SPSB1: variants seen among roughly 807,000 people sequenced by gnomAD.
SPSB1 encodes SPRY domain-containing SOCS box protein 1.
In SPSB1, 8 loss-of-function variants were observed where a neutral mutation model predicts 21.2. The ratio of observed to expected loss-of-function variants is 0.38; its 90% CI spans 0.22 to 0.68. The LOEUF (loss-of-function observed/expected upper bound fraction) is 0.68. Ranked by LOEUF, SPSB1 falls within the 30% of genes least tolerant of loss-of-function variation. SPSB1 has a pLI of 0.53. For missense variants in SPSB1, 242 were observed against 377.8 expected (o/e 0.64, Z 2.98); for synonymous variants, 169 against 161.7 (o/e 1.05, Z -0.34).
In SPSB1 at chr1:9,355,961, C is replaced by G. The variant is rs1231887212; in HGVS notation, c.70C>G (p.Gln24Glu). Residue 24 changes from glutamine to glutamate, a missense_variant, in exon 2 of 3, where the codon CAG (glutamine) becomes GAG (glutamate). Coordinates refer to ENST00000328089, the MANE Select transcript of SPSB1 (RefSeq NM_025106.4). ...MRDPTYRPLK[Q>E]ELQGLDYCKP... ...GGACCCCACGTACAGGCCCCTGAAGCAGGAGCTCCAGGGTCTGGATTACTG... is the reference window on the plus strand; with the variant it reads ...GGACCCCACGTACAGGCCCCTGAAGGAGGAGCTCCAGGGTCTGGATTACTG... The G allele has an allele frequency of 1.2e-6, 2 of 1,613,654 alleles. No homozygotes were observed. The highest frequency in any genetic ancestry group is 1.1e-5 in the South Asian group (1 of 91,026).
chr1:9,355,721 T>A (rs1475444579), intron 1 of SPSB1, 22 bp from the exon 2 acceptor site: 3 of 1,349,480 alleles, frequency 2.2e-6, no homozygotes, highest in Non-Finnish European at 2.9e-6. Context: ...GCTCACCGGT[T>A]GTTTGTCTTT....
Position 9,353,141 on chromosome 1 carries a change from T to TACTCTGC in SPSB1, c.-149-2599_-149-2593dup, listed in dbSNP as rs955508636. Reference sequence around the variant, plus strand: ...GGTGTCCAGACAGATGGGAGGGTGGTACTCTGCACCCCCGCTCCATGCAGC... The same window carrying TACTCTGC: ...GGTGTCCAGACAGATGGGAGGGTGGTACTCTGCACTCTGCACCCCCGCTCCATGCAGC... On this transcript the variant is annotated intron_variant, in intron 1 of 2. Coordinates refer to ENST00000328089, the MANE Select transcript of SPSB1 (RefSeq NM_025106.4). Among the ~76,000 whole-genome samples the TACTCTGC allele has an allele frequency of 3.9e-5, 6 of 151,928 alleles. No homozygotes were observed. The East Asian group carries it at 1.2e-3, about 30-fold the overall frequency.
chr1:9,306,001 GGA>G (rs1304970955), intron 1 of SPSB1, among the ~76,000 whole-genome samples: 1 of 152,200 alleles, frequency 6.6e-6, no homozygotes, highest in African/African-American at 2.4e-5. Flanking sequence ...GAGTAACGTG[GGA>G]GAGGGGTTCG....
intron 1 of SPSB1, among the ~76,000 whole-genome samples, chr1:9,329,456 CT>C (rs1557454726): frequency 6.6e-6 from 1 of 151,918 alleles, no homozygotes; most frequent in East Asian, 1.9e-4. Context: ...GGAAGAGAGC[CT>C]TTGGGAAGAT....
intron 2 of SPSB1, among the ~76,000 whole-genome samples, chr1:9,361,116 G>C (rs886534140): frequency 6.8e-6 from 1 of 147,954 alleles, no homozygotes; most frequent in Admixed American, 6.8e-5. Context: ...GAGCATGACA[G>C]ATGGAGGCTC....
chr1:9,344,435 G>A (rs1640139332), intron 1 of SPSB1, among the ~76,000 whole-genome samples: 1 of 152,166 alleles, frequency 6.6e-6, no homozygotes, highest in Non-Finnish European at 1.5e-5. Flanking sequence ...CTCGTGACGG[G>A]ACCGAGCAAC....
rs1200656854 is a variant in SPSB1 at position 9,346,135 on chromosome 1, T to C, written c.-149-9608T>C. On this transcript the variant is annotated intron_variant, in intron 1 of 2. Coordinates refer to ENST00000328089, the MANE Select transcript of SPSB1 (RefSeq NM_025106.4). This position sits in a 1 kb window ranked among gnomAD's most constrained non-coding sequence, Gnocchi z 4.4. ...GATTGATTCTGATAAAATAGCAGATTGCTCGGGGCATGTTTCTCTTGCAAA... is the reference window on the plus strand; with the variant it reads ...GATTGATTCTGATAAAATAGCAGATCGCTCGGGGCATGTTTCTCTTGCAAA... Among the ~76,000 whole-genome samples, 1 of 152,264 alleles carries C rather than the reference T, an allele frequency of 6.6e-6. No individual in the cohort carries two copies. Among genetic ancestry groups the C allele is most frequent in the African/African-American group, 2.4e-5 (1 of 41,466 alleles).
chr1:9,334,136 A>T (rs1639967196), intron 1 of SPSB1, among the ~76,000 whole-genome samples: 1 of 151,872 alleles, frequency 6.6e-6, no homozygotes, highest in Non-Finnish European at 1.5e-5. Flanking sequence ...CCCAGGCTGG[A>T]GTGCGGTGGT....
chr1:9,361,159 T>TTTTTTTTTTTTTTTTTTG (rs1640468979), intron 2 of SPSB1, among the ~76,000 whole-genome samples: 1 of 33,230 alleles, frequency 3.0e-5, no homozygotes, highest in Non-Finnish European at 6.7e-5. Context: ...TCATTTTCTT[T>TTTTTTTTTTTTTTTTTTG]TTTTTTTTTT....
intron 1 of SPSB1, among the ~76,000 whole-genome samples, chr1:9,306,793 T>C (rs581587): frequency 0.76 from 115,102 of 152,048 alleles, 43,765 homozygotes; most frequent in African/African-American, 0.84. Context: ...GAAGTGGTCC[T>C]AGGTAATGGG....
chr1:9,322,452 G>A (rs1049316525), intron 1 of SPSB1, among the ~76,000 whole-genome samples: 5 of 152,156 alleles, frequency 3.3e-5, no homozygotes, highest in Non-Finnish European at 5.9e-5. Context: ...CCCAAAAGGC[G>A]CCTGCTCACC....
In SPSB1 at chr1:9,324,912, G is replaced by A. The variant is rs549586723; in HGVS notation, c.-149-30831G>A. On this transcript the variant is annotated intron_variant, in intron 1 of 2. Coordinates refer to ENST00000328089, the MANE Select transcript of SPSB1 (RefSeq NM_025106.4). The surrounding 1 kb of genome is among the most constrained non-coding windows in gnomAD (Gnocchi z 4.3). ...CAGACAAATGCTTTCTTGGAAAAGC[G>A]AGTGGGGTGGGGGAGCAGGGACACC... is the stretch of plus-strand genomic sequence containing the variant. Among the ~76,000 whole-genome samples, 44 of 152,218 alleles carry A rather than the reference G, an allele frequency of 2.9e-4. No homozygotes were observed. The highest frequency in any genetic ancestry group is 5.1e-4 in the Non-Finnish European group (35 of 68,032).
intron 1 of SPSB1, among the ~76,000 whole-genome samples, chr1:9,336,948 TGA>T (rs1254178277): frequency 1.3e-5 from 2 of 152,162 alleles, no homozygotes; most frequent in Non-Finnish European, 2.9e-5. Context: ...TGGTCCCCAC[TGA>T]GGGGCCGCTT....
At position 9,305,489 on chromosome 1, in the gene SPSB1, G is replaced by T. The variant is rs911996824; in HGVS notation, c.-150+12418G>T. ...TCCCCAGTAGTTAGGTCCACAGTAG[G>T]TTCTTGGACACCTGTCGGATGAAGG... On this transcript the variant is annotated intron_variant, in intron 1 of 2. Transcript: ENST00000328089. This position sits in a 1 kb window ranked among gnomAD's most constrained non-coding sequence, Gnocchi z 4.8. Among the ~76,000 whole-genome samples the T allele has an allele frequency of 2.0e-5, 3 of 152,146 alleles. No individual in the cohort carries two copies. The highest frequency in any genetic ancestry group is 4.4e-5 in the Non-Finnish European group (3 of 68,030).
At position 9,292,988 on chromosome 1, in the gene SPSB1, T is replaced by C. The variant is rs1639144506; in HGVS notation, c.-233T>C. 4 of 982,318 alleles carry C rather than the reference T, an allele frequency of 4.1e-6. No individual in the cohort carries two copies. The highest frequency in any genetic ancestry group is 4.8e-6 in the Non-Finnish European group (4 of 828,696). The allele number at this position is 982,318 out of a possible 1,614,324, so 60.9% of individuals were successfully genotyped here. A position where few individuals can be genotyped will look rare whatever the true frequency, so the allele number is the denominator to read the frequency against. On this transcript the variant is annotated 5_prime_UTR_variant, in exon 1 of 3. Transcript: ENST00000328089. ...GCCGGGGCCGCGGGGAGGAGGCGAC[T>C]TCGCTCCCTGCGGCGGGCGCGGCCC...
Position 9,293,206 on chromosome 1 carries a change from C to CG in SPSB1, c.-150+140dup, listed in dbSNP as rs1639149160. The stretch of plus-strand genomic sequence containing the variant: ...CGAGTGGGTGGCGCGGGGCCGGGCG[C>CG]GGGGGAGCGGGTGGAGTACGGGATG... On this transcript the variant is annotated intron_variant, in intron 1 of 2. Coordinates refer to ENST00000328089, the MANE Select transcript of SPSB1 (RefSeq NM_025106.4). The surrounding 1 kb of genome is among the most constrained non-coding windows in gnomAD (Gnocchi z 5.1). The CG allele has an allele frequency of 3.2e-6, 3 of 947,604 alleles. No individual in the cohort carries two copies. Among genetic ancestry groups the CG allele is most frequent in the African/African-American group, 3.6e-5 (2 of 56,078 alleles). The allele number at this position is 947,604 out of a possible 1,614,324, so 58.7% of individuals were successfully genotyped here. A position where few individuals can be genotyped will look rare whatever the true frequency, so the allele number is the denominator to read the frequency against.
intron 1 of SPSB1, among the ~76,000 whole-genome samples, chr1:9,316,699 G>T (rs959981793): frequency 6.6e-6 from 1 of 152,224 alleles, no homozygotes; most frequent in Non-Finnish European, 1.5e-5. Flanking sequence ...CCTGTGGCGC[G>T]GCACGGGCCT....
intron 1 of SPSB1, among the ~76,000 whole-genome samples, chr1:9,314,262 C>G (rs575022759): frequency 5.4e-4 from 82 of 152,172 alleles, no homozygotes; most frequent in African/African-American, 1.6e-3. Flanking sequence ...TTCAGTGTCT[C>G]TGCTGGGCCG....
rs937199316 is a variant in SPSB1 at position 9,305,991 on chromosome 1, G to A, written c.-150+12920G>A. ...GACCTGGGGACATTTGTGCAATTGC[G>A]AGTAACGTGGGAGAGGGGTTCGTGC... On this transcript the variant is annotated intron_variant, in intron 1 of 2. Coordinates refer to ENST00000328089, the MANE Select transcript of SPSB1 (RefSeq NM_025106.4). The surrounding 1 kb of genome is among the most constrained non-coding windows in gnomAD (Gnocchi z 4.8). 2.7e-4 allele frequency among the ~76,000 whole-genome samples: 41 copies of A among 152,190 alleles called. No homozygotes were observed. Among genetic ancestry groups the A allele is most frequent in the African/African-American group, 8.7e-4 (36 of 41,454 alleles).
Sources: allele counts gnomAD v4.1 joint callset (sites outside exome capture counted in the v4.1 genomes callset), GRCh38; gene constraint gnomAD v4.1.1; non-coding constraint Gnocchi (gnomAD v3.1); transcripts MANE v1.5; gene names NCBI Gene and HGNC (gene_info 2026-07-23, HGNC 2026-07-21).